CELF2: variants seen among roughly 807,000 people sequenced by gnomAD.
The protein encoded by CELF2 is CUGBP Elav-like family member 2, also known as CUG triplet repeat RNA-binding protein 2.
In CELF2, 8 loss-of-function variants were observed where a neutral mutation model predicts 62.6. The observed-to-expected ratio is 0.13, with a 90% CI of 0.07 to 0.23. CELF2 has a LOEUF of 0.23. Among genes scored for constraint, CELF2 ranks in the 10% least tolerant of loss-of-function variants. The pLI is 1.00. For missense variants in CELF2, 333 were observed against 671.0 expected, an observed-to-expected ratio of 0.50 and a Z score of 5.56; for synonymous variants, 258 against 250.0, an observed-to-expected ratio of 1.03 and a Z score of -0.30.
chr10:11,110,229 G>A lies in CELF2; in HGVS notation c.75-55257G>A, dbSNP rs758810876. On this transcript the variant is annotated intron_variant, in intron 1 of 12. Coordinates refer to ENST00000633077, the MANE Select transcript of CELF2 (RefSeq NM_001326342.2). This position sits in a 1 kb window ranked among gnomAD's most constrained non-coding sequence, Gnocchi z 4.0. ...GTCAAGGCTGCATGGAACCCTGAAC[G>A]TCCTACCGCACTCCAGCATGGGCGA... Among the ~76,000 whole-genome samples the A allele has an allele frequency of 5.7e-4, 87 of 152,064 alleles. 1 individual carries two copies. Among genetic ancestry groups the A allele is most frequent in the Non-Finnish European group, 9.3e-4 (63 of 67,984 alleles).
At chr10:11,006,434 CCT>C (rs1298433428) in intron 1 of CELF2, among the ~76,000 whole-genome samples, 1 of 152,188 alleles carries the variant, frequency 6.6e-6, no homozygotes, top group Non-Finnish European at 1.5e-5. Context: ...TTATTTCTTA[CCT>C]CTCTGTTAAC....
At chr10:11,187,452 G>T (rs1171793821) in intron 2 of CELF2, among the ~76,000 whole-genome samples, 1 of 152,066 alleles carries the variant, frequency 6.6e-6, no homozygotes, top group Non-Finnish European at 1.5e-5. Flanking sequence ...CAGGTAGTCG[G>T]ATCATAATTT....
chr10:11,197,979 C>G (rs756269984), intron 2 of CELF2, among the ~76,000 whole-genome samples: 1 of 152,222 alleles, frequency 6.6e-6, no homozygotes, highest in Non-Finnish European at 1.5e-5. Context: ...TTAAAACTTA[C>G]AGCAACTGTC....
rs185666261 is a variant in CELF2 at position 11,309,497 on chromosome 10, T to A, written c.977-4642T>A. On this transcript the variant is annotated intron_variant, in intron 9 of 12. Coordinates refer to ENST00000633077, the MANE Select transcript of CELF2 (RefSeq NM_001326342.2). This position sits in a 1 kb window ranked among gnomAD's most constrained non-coding sequence, Gnocchi z 5.6. ...GCCTCTTTGCCTGATCTCTGTTAAGTTTCTGGCTGCTGTATCTCTGTTGTT... is the reference window on the plus strand; with the variant it reads ...GCCTCTTTGCCTGATCTCTGTTAAGATTCTGGCTGCTGTATCTCTGTTGTT... Among the ~76,000 whole-genome samples the A allele has an allele frequency of 1.4e-4, 21 of 152,350 alleles. No individual in the cohort carries two copies. The East Asian group carries it at 3.9e-3, about 28-fold the overall frequency.
At chr10:10,575,081 G>A in the CELF2 span, among the ~76,000 whole-genome samples, 7 of 152,108 alleles carry the variant, frequency 4.6e-5, 1 homozygote, top group South Asian at 1.5e-3. Flanking sequence ...AAAATGCTAA[G>A]TATACCTAAT....
the CELF2 span, among the ~76,000 whole-genome samples, chr10:10,507,222 C>T: frequency 6.6e-6 from 1 of 152,096 alleles, no homozygotes; most frequent in Admixed American, 6.5e-5. Context: ...GCTGTTGTTA[C>T]TTCCTGATTC....
intron 1 of CELF2, among the ~76,000 whole-genome samples, chr10:10,880,102 A>G (rs1012226567): frequency 2.6e-5 from 4 of 152,224 alleles, no homozygotes; most frequent in African/African-American, 9.6e-5. Context: ...AGGAGCATAA[A>G]TCGTAAGTCT....
the CELF2 span, among the ~76,000 whole-genome samples, chr10:10,541,946 A>G: frequency 6.6e-6 from 1 of 152,222 alleles, no homozygotes; most frequent in African/African-American, 2.4e-5. Context: ...TAATAGTTCC[A>G]TGAATCTTCC....
chr10:10,890,807 G>A (rs1349031210), intron 1 of CELF2, among the ~76,000 whole-genome samples: 1 of 152,154 alleles, frequency 6.6e-6, no homozygotes, highest in Non-Finnish European at 1.5e-5. Context: ...CTGAGGTGAG[G>A]AGTTCAAGAC....
At chr10:10,760,805 A>C in the CELF2 span, among the ~76,000 whole-genome samples, 1 of 152,184 alleles carries the variant, frequency 6.6e-6, no homozygotes, top group East Asian at 1.9e-4. Flanking sequence ...GAGCTCTATG[A>C]GTGGGAGGAA....
At chr10:11,276,061 G>A (rs533993472) in intron 8 of CELF2, among the ~76,000 whole-genome samples, 5 of 152,160 alleles carry the variant, frequency 3.3e-5, no homozygotes, top group East Asian at 3.9e-4. Context: ...AGAATGAAGC[G>A]TTTTTTCGTT....
intron 1 of CELF2, among the ~76,000 whole-genome samples, chr10:11,126,347 A>G (rs1424308078): frequency 6.6e-6 from 1 of 152,164 alleles, no homozygotes; most frequent in Non-Finnish European, 1.5e-5. Context: ...GGACCAGTAT[A>G]CCTACAAAAG....
chr10:10,751,592 T>C, the CELF2 span, among the ~76,000 whole-genome samples: 309 of 152,328 alleles, frequency 2.0e-3, 1 homozygote, highest in Admixed American at 3.1e-3. Flanking sequence ...GGCAGGGCAC[T>C]GCATTCAGTC....
At chr10:11,049,273 CAAGT>C (rs966508471) in intron 1 of CELF2, among the ~76,000 whole-genome samples, 29 of 150,894 alleles carry the variant, frequency 1.9e-4, no homozygotes, top group African/African-American at 7.1e-4. Flanking sequence ...AGTTAAGCCT[CAAGT>C]GAGAATCTCA....
At chr10:10,880,950 C>G (rs2061401843) in intron 1 of CELF2, among the ~76,000 whole-genome samples, 1 of 152,088 alleles carries the variant, frequency 6.6e-6, no homozygotes, top group Non-Finnish European at 1.5e-5. Flanking sequence ...TTTTATTCTT[C>G]CTTATTTATA....
the CELF2 span, among the ~76,000 whole-genome samples, chr10:10,666,861 C>CAAAAAAAAAAA: frequency 4.0e-5 from 1 of 25,212 alleles, no homozygotes; most frequent in African/African-American, 2.1e-4. Context: ...GACTCCGTCT[C>CAAAAAAAAAAA]AAAAAAAAAA....
At chr10:10,740,490 T>C in the CELF2 span, among the ~76,000 whole-genome samples, 2 of 152,038 alleles carry the variant, frequency 1.3e-5, no homozygotes, top group African/African-American at 4.8e-5. Context: ...TTATGGAAAA[T>C]GGTATGGAGG....
the CELF2 span, among the ~76,000 whole-genome samples, chr10:10,694,026 A>C: frequency 6.8e-6 from 1 of 148,102 alleles, no homozygotes; most frequent in East Asian, 2.0e-4. Flanking sequence ...TTCTGCTCTG[A>C]TTTTAGTTAT....
chr10:10,660,236 TAAC>T, the CELF2 span, among the ~76,000 whole-genome samples: 4 of 152,314 alleles, frequency 2.6e-5, no homozygotes, highest in South Asian at 4.1e-4. Context: ...GATATAATAA[TAAC>T]AACAATAGCT....
Sources: gnomAD v4.1 joint callset for allele counts (sites outside exome capture counted in the v4.1 genomes callset) on GRCh38, gnomAD v4.1.1 for gene constraint, Gnocchi (gnomAD v3.1) non-coding constraint, MANE v1.5 for transcripts, NCBI Gene and HGNC (gene_info 2026-07-23, HGNC 2026-07-21) for gene names.